CRMP1: variants seen among roughly 807,000 people sequenced by gnomAD.
The protein encoded by CRMP1 is dihydropyrimidinase-related protein 1.
CRMP1 carries 19 observed loss-of-function variants against 68.3 expected under a neutral mutation model. The observed-to-expected ratio is 0.28, with a 90% CI of 0.19 to 0.41. The LOEUF is 0.41. CRMP1 is among the 10% of genes least tolerant of loss of function. The pLI, the probability that CRMP1 is intolerant of heterozygous loss-of-function variation, is 1.00. For synonymous variants in CRMP1, 439 were observed against 399.6 expected (o/e 1.10, Z -1.18); for missense variants, 791 against 967.4 (o/e 0.82, Z 2.42).
rs2152464786 is a variant in CRMP1 at position 5,854,343 on chromosome 4, T to C, written c.820+1800A>G. 6.7e-6 allele frequency among the ~76,000 whole-genome samples: 1 copy of C among 149,566 alleles called. No individual in the cohort carries two copies. The highest frequency in any genetic ancestry group is 2.5e-5 in the African/African-American group (1 of 40,590). On this transcript the variant is annotated intron_variant, in intron 4 of 13. Transcript: ENST00000324989. The surrounding 1 kb of genome is among the most constrained non-coding windows in gnomAD (Gnocchi z 4.0). ...GCCTCAACCTCCCAAACTCAAGCAA[T>C]GCTCCTGCTCAGCCTCCCAAGTAGC...
rs980565284 is a variant in CRMP1, at chr4:5,877,417, C to T, written c.382-10661G>A. ...TGACTTGGTCCCTACCTTGAATAACCAGAGCCTTCCCCTTGAGCAAGCTCC... is the reference window on the plus strand; with the variant it reads ...TGACTTGGTCCCTACCTTGAATAACTAGAGCCTTCCCCTTGAGCAAGCTCC... On this transcript the variant is annotated intron_variant, in intron 1 of 13. Transcript: ENST00000324989. This position sits in a 1 kb window ranked among gnomAD's most constrained non-coding sequence, Gnocchi z 4.3. Among the ~76,000 whole-genome samples, 1 of 152,134 alleles carries T rather than the reference C, an allele frequency of 6.6e-6. No homozygotes were observed. Among genetic ancestry groups the T allele is most frequent in the African/African-American group, 2.4e-5 (1 of 41,440 alleles).
In CRMP1 at chr4:5,841,199, T is replaced by G. The variant is rs549417570; in HGVS notation, c.1153+109A>C. 6.4e-7 allele frequency: 1 copy of G among 1,560,028 alleles called. No homozygotes were observed. Among genetic ancestry groups the G allele is most frequent in the African/African-American group, 1.4e-5 (1 of 73,990 alleles). ...GTCAGGAGCATCCCCGCTCCACCCCTCCCTCCTCCGGCTGCCTGTCTGAGT... is the reference window on the plus strand; with the variant it reads ...GTCAGGAGCATCCCCGCTCCACCCCGCCCTCCTCCGGCTGCCTGTCTGAGT... On this transcript the variant is annotated intron_variant, in intron 8 of 13. Coordinates refer to ENST00000324989, the MANE Select transcript of CRMP1 (RefSeq NM_001014809.3). This position sits in a 1 kb window ranked among gnomAD's most constrained non-coding sequence, Gnocchi z 6.9.
chr4:5,892,480 C>A lies in CRMP1; in HGVS notation c.381+109G>T, dbSNP rs948389520. 2.9e-5 allele frequency: 31 copies of A among 1,069,784 alleles called. No homozygotes were observed. The African/African-American group carries it at 3.7e-4, about 13-fold the overall frequency. The allele number at this position is 1,069,784 out of a possible 1,614,324, so 66.3% of individuals were successfully genotyped here. ...CGCGCCGTGGCTCTCCCCAGCCTGG[C>A]GGCCGCTGCCCCAACACCGGGGCCC... On this transcript the variant is annotated intron_variant, in intron 1 of 13. Coordinates refer to ENST00000324989, the MANE Select transcript of CRMP1 (RefSeq NM_001014809.3). The surrounding 1 kb of genome is among the most constrained non-coding windows in gnomAD (Gnocchi z 8.6).
At chr4:5,868,046 T>C (rs551399611) in intron 1 of CRMP1, among the ~76,000 whole-genome samples, 100 of 151,976 alleles carry the variant, frequency 6.6e-4, no homozygotes, top group African/African-American at 2.2e-3. Context: ...CCCTCTTCTA[T>C]TTGTCAATAC....
At chr4:5,822,420 C>T (rs1003389436) in intron 13 of CRMP1, among the ~76,000 whole-genome samples, 1 of 150,308 alleles carries the variant, frequency 6.7e-6, no homozygotes, top group Non-Finnish European at 1.5e-5. Flanking sequence ...TATGCATGTG[C>T]ATATGTGTGT....
Position 5,821,677 on chromosome 4 carries a change from T to G in CRMP1, c.*83A>C. On this transcript the variant is annotated 3_prime_UTR_variant, in exon 14 of 14. Coordinates refer to ENST00000324989, the MANE Select transcript of CRMP1 (RefSeq NM_001014809.3). The surrounding 1 kb of genome is among the most constrained non-coding windows in gnomAD (Gnocchi z 4.4). ...TCCCTCCATCAGCACCAACTAAAAC[T>G]GTGGGTTTCAAAAACACTGACAGGA... The G allele has an allele frequency of 7.5e-7, 1 of 1,332,784 alleles. No individual in the cohort carries two copies. Among genetic ancestry groups the G allele is most frequent in the Non-Finnish European group, 1.0e-6 (1 of 961,150 alleles). 82.6% of individuals were successfully genotyped at this position (1,332,784 alleles called of 1,614,324 possible).
chr4:5,830,466 C>G (rs981819170), intron 11 of CRMP1, among the ~76,000 whole-genome samples: 1 of 152,096 alleles, frequency 6.6e-6, no homozygotes, highest in African/African-American at 2.4e-5. Flanking sequence ...GTGTTGTATT[C>G]TAGTCCTTTC....
At chr4:5,851,584 A>G (rs1180100029) in intron 4 of CRMP1, 115 bp from the exon 5 acceptor site, 1 of 1,037,424 alleles carries the variant, frequency 9.6e-7, no homozygotes, top group Non-Finnish European at 1.5e-6. Context: ...GATGAGTGCC[A>G]TTGGGATCCC....
rs59152465 is a variant in CRMP1, at chr4:5,891,212, A to ACACACACACACACACC, written c.381+1376_381+1377insGGTGTGTGTGTGTGTG. Among the ~76,000 whole-genome samples the ACACACACACACACACC allele has an allele frequency of 1.4e-4, 21 of 147,236 alleles. No homozygotes were observed. Among genetic ancestry groups the ACACACACACACACACC allele is most frequent in the African/African-American group, 2.6e-4 (10 of 39,082 alleles). On this transcript the variant is annotated intron_variant, in intron 1 of 13. Coordinates refer to ENST00000324989, the MANE Select transcript of CRMP1 (RefSeq NM_001014809.3). This position sits in a 1 kb window ranked among gnomAD's most constrained non-coding sequence, Gnocchi z 5.2. Reference sequence around the variant, plus strand: ...CACACACACACACACACACACACACACCCTTGCTGTTGGACCTCTCCCTCG... The same window carrying ACACACACACACACACC: ...CACACACACACACACACACACACACACACACACACACACACCCCCTTGCTGTTGGACCTCTCCCTCG...
chr4:5,856,013 C>G, intron 4 of CRMP1, 130 bp downstream of exon 4: 1 of 1,038,754 alleles, frequency 9.6e-7, no homozygotes, highest in Non-Finnish European at 1.4e-6. Context: ...CTCACTGTCA[C>G]GTGGCAGAGT....
At chr4:5,880,349 T>C (rs1715146401) in intron 1 of CRMP1, among the ~76,000 whole-genome samples, 1 of 152,218 alleles carries the variant, frequency 6.6e-6, no homozygotes, top group African/African-American at 2.4e-5. Context: ...TGCTGAGATT[T>C]TATTAGACCT....
intron 1 of CRMP1, among the ~76,000 whole-genome samples, chr4:5,884,143 C>G (rs576549548): frequency 3.3e-5 from 5 of 152,252 alleles, no homozygotes; most frequent in African/African-American, 1.2e-4. Context: ...TCCTGCTATT[C>G]GACTTCCATC....
intron 1 of CRMP1, among the ~76,000 whole-genome samples, chr4:5,869,575 T>G (rs1219824613): frequency 1.1e-4 from 16 of 149,616 alleles, no homozygotes. Context: ...TCCCAGCTAC[T>G]CAGGAGGCTG....
chr4:5,828,933 TC>T (rs201924444), intron 11 of CRMP1, among the ~76,000 whole-genome samples: 2 of 144,606 alleles, frequency 1.4e-5, no homozygotes, highest in Non-Finnish European at 3.0e-5. Context: ...AGGAAGGGGG[TC>T]CCCCGGGGTT....
chr4:5,823,356 G>A (rs578054315), intron 13 of CRMP1, among the ~76,000 whole-genome samples: 112 of 152,314 alleles, frequency 7.4e-4, no homozygotes, highest in African/African-American at 2.6e-3. Context: ...CTAAAGGCCT[G>A]GAATCAGGCC....
chr4:5,868,626 T>A (rs1714218839), intron 1 of CRMP1, among the ~76,000 whole-genome samples: 1 of 152,088 alleles, frequency 6.6e-6, no homozygotes, highest in Non-Finnish European at 1.5e-5. Context: ...ACTTTTAAAA[T>A]AATCACAAAA....
chr4:5,847,021 G>A (rs1712271245), intron 6 of CRMP1, among the ~76,000 whole-genome samples: 1 of 152,090 alleles, frequency 6.6e-6, no homozygotes, highest in African/African-American at 2.4e-5. Flanking sequence ...GATGGAAGCA[G>A]GAGCTCAGAA....
Position 5,883,407 on chromosome 4 carries a change from T to G in CRMP1, c.381+9182A>C, listed in dbSNP as rs543556039. On this transcript the variant is annotated intron_variant, in intron 1 of 13. Transcript: ENST00000324989. The surrounding 1 kb of genome is among the most constrained non-coding windows in gnomAD (Gnocchi z 4.5). ...CTCTGCCTCCCAGGTTCAAGCAATT[T>G]CTCCTGCCTCAGCCTCCCGAATAGC... is the stretch of plus-strand genomic sequence containing the variant. 6.6e-6 allele frequency among the ~76,000 whole-genome samples: 1 copy of G among 152,122 alleles called. No homozygotes were observed. The highest frequency in any genetic ancestry group is 1.9e-4 in the East Asian group (1 of 5,164).
At chr4:5,887,343 C>A (rs1715659537) in intron 1 of CRMP1, 2 of 984,238 alleles carry the variant, frequency 2.0e-6, no homozygotes, top group Non-Finnish European at 2.4e-6. Flanking sequence ...GAGGATTCCA[C>A]CACGCCCAGA....
Sources: allele counts gnomAD v4.1 joint callset (sites outside exome capture counted in the v4.1 genomes callset), GRCh38; gene constraint gnomAD v4.1.1; non-coding constraint Gnocchi (gnomAD v3.1); transcripts MANE v1.5; gene names NCBI Gene and HGNC (gene_info 2026-07-23, HGNC 2026-07-21).